RAB5A: variants seen among roughly 807,000 people sequenced by gnomAD.
The protein encoded by RAB5A is RAB5A, member RAS oncogene family.
A neutral mutation model predicts 25.7 loss-of-function variants in RAB5A; 8 were observed. That is an observed-to-expected ratio of 0.31 (90% CI 0.18 to 0.56). The LOEUF (loss-of-function observed/expected upper bound fraction) is 0.56. Among genes scored for constraint, RAB5A ranks in the 20% least tolerant of loss-of-function variants. The probability of loss-of-function intolerance (pLI) is 0.91; values close to 1 mark genes in which losing one functional copy is unlikely to be tolerated. For missense variants in RAB5A, 192 were observed against 259.7 expected, an observed-to-expected ratio of 0.74 and a Z score of 1.79; for synonymous variants, 98 against 89.8, an observed-to-expected ratio of 1.09 and a Z score of -0.52.
intron 2 of RAB5A, among the ~76,000 whole-genome samples, chr3:19,974,894 G>T (rs1229675422): frequency 6.6e-6 from 1 of 152,148 alleles, no homozygotes; most frequent in Non-Finnish European, 1.5e-5. Context: ...CATTTTTTAA[G>T]ACTATCAGTG....
At position 19,966,060 on chromosome 3, in the gene RAB5A, C is replaced by T. The variant is rs531670029; in HGVS notation, c.164-9541C>T. ...CTTTTTAAAATTGCGGTAAAATATC[C>T]GTAACACAAAATTTACCATTTTAAC... On this transcript the variant is annotated intron_variant, in intron 2 of 5. Transcript: ENST00000273047. 1.2e-4 allele frequency among the ~76,000 whole-genome samples: 18 copies of T among 152,204 alleles called. No individual in the cohort carries two copies. The South Asian group carries it at 3.5e-3, about 30-fold the overall frequency.
rs1696328160 is a variant in RAB5A, at chr3:19,947,450, A to C, written c.-165A>C. 1.3e-5 allele frequency: 2 copies of C among 155,156 alleles called. No homozygotes were observed. The highest frequency in any genetic ancestry group is 1.8e-4 in the South Asian group (1 of 5,550). 9.6% of individuals were successfully genotyped at this position (155,156 alleles called of 1,614,324 possible). On this transcript the variant is annotated 5_prime_UTR_variant, in exon 1 of 6. Coordinates refer to ENST00000273047, the MANE Select transcript of RAB5A (RefSeq NM_004162.5). ...CCACCACCGCCATAGATACACTCTC[A>C]TCCTACGGGCCACGCCTGGGCCTTG...
At chr3:19,974,087 C>T (rs561402414) in intron 2 of RAB5A, among the ~76,000 whole-genome samples, 16 of 152,064 alleles carry the variant, frequency 1.1e-4, no homozygotes, top group African/African-American at 3.1e-4. Context: ...AATGATAGAG[C>T]AGCAGCAGAG....
chr3:19,952,943 A>G (rs1460185076), intron 2 of RAB5A, among the ~76,000 whole-genome samples: 3 of 151,974 alleles, frequency 2.0e-5, no homozygotes, highest in Admixed American at 6.6e-5. Context: ...ATGTCCACCC[A>G]CTTATTTCAC....
intron 2 of RAB5A, among the ~76,000 whole-genome samples, chr3:19,963,376 C>CCGCCG (rs1553638835): frequency 1.2e-5 from 1 of 86,796 alleles, no homozygotes; most frequent in African/African-American, 5.0e-5. Context: ...CCCCCCCCCC[C>CCGCCG]CCGACTTATT....
Position 19,983,845 on chromosome 3 carries a change from G to A in RAB5A, c.*22G>A, listed in dbSNP as rs1351248358. The A allele has an allele frequency of 5.5e-6, 8 of 1,460,798 alleles. No individual in the cohort carries two copies. The highest frequency in any genetic ancestry group is 1.2e-5 in the South Asian group (1 of 85,578). The allele number at this position is 1,460,798 out of a possible 1,614,324, so 90.5% of individuals were successfully genotyped here. A position where few individuals can be genotyped will look rare whatever the true frequency, so the allele number is the denominator to read the frequency against. On this transcript the variant is annotated 3_prime_UTR_variant, in exon 6 of 6. Coordinates refer to ENST00000273047, the MANE Select transcript of RAB5A (RefSeq NM_004162.5). ...CTAAACCTCTAGTTTGAACTAGCTG[G>A]AATAGTCTTCTGCTTCCTAAATGTT...
In RAB5A at chr3:19,982,540, G is replaced by A. The variant is rs554891978; in HGVS notation, c.533-1168G>A. Among the ~76,000 whole-genome samples the A allele has an allele frequency of 4.6e-5, 7 of 152,206 alleles. No homozygotes were observed. In the South Asian group the frequency reaches 1.0e-3, roughly 23 times the overall value. ...AGGCAGCTGATGGTTACTCTGCAAG[G>A]TGTAAGTTTCTCTTTTAAAAACTAA... is the stretch of plus-strand genomic sequence containing the variant. On this transcript the variant is annotated intron_variant, in intron 5 of 5. Transcript: ENST00000273047.
At chr3:19,978,479 T>C in intron 5 of RAB5A, 76 bp downstream of exon 5, 4 of 1,142,776 alleles carry the variant, frequency 3.5e-6, no homozygotes, top group Non-Finnish European at 5.1e-6. Context: ...GACTGTCTCT[T>C]TTTTAAAAAA....
chr3:19,978,283 A>G (rs748971620), intron 4 of RAB5A, 27 bp from the exon 5 acceptor site: 4 of 1,445,712 alleles, frequency 2.8e-6, no homozygotes, highest in Non-Finnish European at 3.9e-6. Flanking sequence ...TATATCTCAT[A>G]TATCTCATTT....
chr3:19,978,480 T>G, intron 5 of RAB5A, 77 bp downstream of exon 5: 1 of 1,073,966 alleles, frequency 9.3e-7, no homozygotes, highest in Non-Finnish European at 1.4e-6. Context: ...ACTGTCTCTT[T>G]TTTAAAAAAT....
chr3:19,956,963 T>TA (rs61096770), intron 2 of RAB5A, among the ~76,000 whole-genome samples: 1 of 150,764 alleles, frequency 6.6e-6, no homozygotes, highest in East Asian at 1.9e-4. Context: ...TTTTTTTTTT[T>TA]AAACAGCCTG....
intron 2 of RAB5A, among the ~76,000 whole-genome samples, chr3:19,957,729 T>TC (rs1696524973): frequency 1.7e-5 from 1 of 60,196 alleles, no homozygotes. Flanking sequence ...AGACTCTGTC[T>TC]CAAAAAAAAA....
At chr3:19,947,807 G>A (rs1696346996) in intron 1 of RAB5A, 1 of 152,486 alleles carries the variant, frequency 6.6e-6, no homozygotes, top group East Asian at 1.9e-4. Context: ...TGTACTGGAG[G>A]CCGCGGTTCC....
intron 1 of RAB5A, among the ~76,000 whole-genome samples, chr3:19,949,776 G>A (rs1336189427): frequency 6.6e-6 from 1 of 152,184 alleles, no homozygotes; most frequent in African/African-American, 2.4e-5. Flanking sequence ...TGGGCGTGGT[G>A]GCTCACACCT....
At chr3:19,965,326 T>G (rs1028225831) in intron 2 of RAB5A, among the ~76,000 whole-genome samples, 2 of 151,852 alleles carry the variant, frequency 1.3e-5, no homozygotes, top group Admixed American at 6.6e-5. Flanking sequence ...GGAGGCTGAC[T>G]TGGGAGGATT....
At chr3:19,969,131 G>A (rs537107600) in intron 2 of RAB5A, among the ~76,000 whole-genome samples, 33 of 138,618 alleles carry the variant, frequency 2.4e-4, no homozygotes, top group South Asian at 4.9e-4. Flanking sequence ...TGCAACCTCC[G>A]CCTCCTGGGT....
chr3:19,983,265 G>A (rs1315444309), intron 5 of RAB5A, among the ~76,000 whole-genome samples: 3 of 150,848 alleles, frequency 2.0e-5, no homozygotes, highest in African/African-American at 7.3e-5. Context: ...GAACCCAGGA[G>A]GTGGAGGTTG....
chr3:19,975,188 T>C (rs947843256), intron 2 of RAB5A, among the ~76,000 whole-genome samples: 8 of 149,266 alleles, frequency 5.4e-5, no homozygotes, highest in East Asian at 2.0e-4. Context: ...ATCACGCCCC[T>C]GCACTCTAGT....
In RAB5A at chr3:19,975,621, G is replaced by C. The variant is rs372972286; in HGVS notation, c.184G>C (p.Val62Leu). Residue 62 changes from valine to leucine, a missense_variant, in exon 3 of 6, where the codon GTA becomes CTA. By Grantham distance (32) the Val-to-Leu change is conservative (BLOSUM62 1). Coordinates refer to ENST00000273047, the MANE Select transcript of RAB5A (RefSeq NM_004162.5). Reference sequence around the variant, plus strand: ...TTCAGCTGCTTTTCTAACCCAAACTGTATGTCTTGATGACACTACAGTAAA... The same window carrying C: ...TTCAGCTGCTTTTCTAACCCAAACTCTATGTCTTGATGACACTACAGTAAA... ...TIGAAFLTQTVCLDDTTVKFE... is the reference protein window; with the variant it reads ...TIGAAFLTQTLCLDDTTVKFE... 3.7e-6 allele frequency: 6 copies of C among 1,612,906 alleles called. No homozygotes were observed. In the South Asian group the frequency reaches 6.6e-5, roughly 18 times the overall value.
Sources: allele counts gnomAD v4.1 joint callset (sites outside exome capture counted in the v4.1 genomes callset), GRCh38; gene constraint gnomAD v4.1.1; transcripts MANE v1.5; gene names NCBI Gene and HGNC (gene_info 2026-07-23, HGNC 2026-07-21).